CAMSAP2: variants seen among roughly 807,000 people sequenced by gnomAD.
The protein encoded by CAMSAP2 is calmodulin regulated spectrin associated protein family member 2.
In CAMSAP2, 26 loss-of-function variants were observed where a neutral mutation model predicts 146.1. That is an observed-to-expected ratio of 0.18 (90% CI 0.13 to 0.25). CAMSAP2 has a LOEUF of 0.25. Among genes scored for constraint, CAMSAP2 ranks in the 10% least tolerant of loss-of-function variants. The probability of loss-of-function intolerance (pLI) is 1.00; values close to 1 mark genes in which losing one functional copy is unlikely to be tolerated. For synonymous variants in CAMSAP2, 499 were observed against 596.6 expected, an observed-to-expected ratio of 0.84 and a Z score of 2.38; for missense variants, 1,381 against 1,759.3, an observed-to-expected ratio of 0.78 and a Z score of 3.85.
intron 2 of CAMSAP2, among the ~76,000 whole-genome samples, chr1:200,762,793 G>A (rs1664836887): frequency 6.6e-6 from 1 of 152,110 alleles, no homozygotes; most frequent in Non-Finnish European, 1.5e-5. Flanking sequence ...GAGGGGTTTG[G>A]TAGACTGCTG....
chr1:200,762,902 A>G (rs1314543301), intron 2 of CAMSAP2, among the ~76,000 whole-genome samples: 2 of 151,826 alleles, frequency 1.3e-5, no homozygotes, highest in African/African-American at 2.4e-5. Flanking sequence ...ATGACTTAGA[A>G]TCTTTTTTTT....
At chr1:200,856,415 G>T (rs1667753910) in intron 15 of CAMSAP2, among the ~76,000 whole-genome samples, 1 of 152,196 alleles carries the variant, frequency 6.6e-6, no homozygotes, top group South Asian at 2.1e-4. Context: ...GTAAAGGCTA[G>T]AATCCACCAA....
chr1:200,739,837 G>A lies in CAMSAP2; in HGVS notation c.10G>A (p.Ala4Thr). The A allele has an allele frequency of 1.9e-6, 3 of 1,613,590 alleles. No individual in the cohort carries two copies. The highest frequency in any genetic ancestry group is 2.5e-6 in the Non-Finnish European group (3 of 1,179,664). Residue 4 changes from alanine to threonine, a missense_variant, in exon 1 of 17, where the codon GCT becomes ACT. By Grantham distance (58) the Ala-to-Thr change is moderately conservative. This residue lies in a region of CAMSAP2 where 284 missense variants were observed against 406.9 expected (regional missense o/e 0.70). Coordinates refer to ENST00000358823, the MANE Select transcript of CAMSAP2 (RefSeq NM_203459.4). The surrounding 1 kb of genome is among the most constrained non-coding windows in gnomAD (Gnocchi z 4.8). MGDAADPREMRKTF... is the reference protein window; with the variant it reads MGDTADPREMRKTF... ...GGAGCCGCGGTGAAAGATGGGGGATGCTGCAGACCCCAGGGAGATGAGAAA... is the reference window on the plus strand; with the variant it reads ...GGAGCCGCGGTGAAAGATGGGGGATACTGCAGACCCCAGGGAGATGAGAAA...
At chr1:200,809,723 C>T (rs781415777) in intron 3 of CAMSAP2, among the ~76,000 whole-genome samples, 5 of 152,104 alleles carry the variant, frequency 3.3e-5, no homozygotes, top group South Asian at 4.2e-4. Flanking sequence ...AGAGCGAGAT[C>T]CTCTCAAAAT....
intron 3 of CAMSAP2, among the ~76,000 whole-genome samples, chr1:200,813,463 G>A (rs1666390216): frequency 2.0e-5 from 3 of 152,318 alleles, no homozygotes; most frequent in South Asian, 2.1e-4. Flanking sequence ...TGTATTTATA[G>A]CATTTACAAA....
chr1:200,768,603 A>G (rs747410204), intron 2 of CAMSAP2, among the ~76,000 whole-genome samples: 18 of 152,110 alleles, frequency 1.2e-4, no homozygotes, highest in African/African-American at 1.7e-4. Flanking sequence ...GGCCTGAACT[A>G]AGGTGCAGGC....
chr1:200,788,072 A>G (rs66893025), intron 2 of CAMSAP2, among the ~76,000 whole-genome samples: 19,296 of 152,200 alleles, frequency 0.13, 1,251 homozygotes, highest in East Asian at 0.17. Flanking sequence ...CTTTATTGCA[A>G]TGGAATGGAA....
intron 1 of CAMSAP2, among the ~76,000 whole-genome samples, chr1:200,750,073 T>A (rs1454290323): frequency 6.6e-6 from 1 of 152,016 alleles, no homozygotes; most frequent in African/African-American, 2.4e-5. Flanking sequence ...CAAATTTGCT[T>A]ATGGGAAATA....
intron 6 of CAMSAP2, among the ~76,000 whole-genome samples, chr1:200,833,094 A>G (rs541883540): frequency 2.7e-4 from 41 of 152,216 alleles, no homozygotes; most frequent in African/African-American, 9.1e-4. Context: ...AAAAATAAAA[A>G]ATAAACCATA....
At position 200,776,979 on chromosome 1, in the gene CAMSAP2, C is replaced by T. The variant is rs573692104; in HGVS notation, c.399+15881C>T. The stretch of plus-strand genomic sequence containing the variant: ...CCTCAAGGCCCCTTATGTGGAAAAT[C>T]TTCAAAGGAGAGAGAAGGACAAAAC... On this transcript the variant is annotated intron_variant, in intron 2 of 16. Transcript: ENST00000358823. Among the ~76,000 whole-genome samples the T allele has an allele frequency of 9.2e-5, 14 of 152,180 alleles. 1 individual carries two copies. The South Asian group carries it at 2.9e-3, about 32-fold the overall frequency.
intron 1 of CAMSAP2, among the ~76,000 whole-genome samples, chr1:200,747,947 A>G (rs1460459768): frequency 6.8e-6 from 1 of 148,042 alleles, no homozygotes; most frequent in African/African-American, 2.5e-5. Context: ...AGATCCTGCC[A>G]CTGCACTCCA....
chr1:200,778,993 G>A (rs181085371), intron 2 of CAMSAP2, among the ~76,000 whole-genome samples: 1 of 152,216 alleles, frequency 6.6e-6, no homozygotes, highest in African/African-American at 2.4e-5. Context: ...AACAAATCGT[G>A]GAAGGAATTT....
chr1:200,829,139 G>C (rs572168243), intron 4 of CAMSAP2, among the ~76,000 whole-genome samples: 14 of 152,246 alleles, frequency 9.2e-5, no homozygotes, highest in Admixed American at 5.2e-4. Context: ...TGGGCAACAA[G>C]AGTGAAACCG....
At chr1:200,817,208 ACATACACACATAT>A (rs1355911375) in intron 4 of CAMSAP2, among the ~76,000 whole-genome samples, 2 of 97,842 alleles carry the variant, frequency 2.0e-5, no homozygotes, top group African/African-American at 8.7e-5. Flanking sequence ...GTGTATACAC[ACATACACACATAT>A]GTGTGTGTAT....
chr1:200,762,042 G>A (rs1482238743), intron 2 of CAMSAP2, among the ~76,000 whole-genome samples: 3 of 152,216 alleles, frequency 2.0e-5, no homozygotes, highest in African/African-American at 7.2e-5. Flanking sequence ...TTCCATACTC[G>A]ATTAAATCAA....
At chr1:200,750,959 G>A (rs1210010079) in intron 1 of CAMSAP2, among the ~76,000 whole-genome samples, 3 of 137,524 alleles carry the variant, frequency 2.2e-5, no homozygotes, top group African/African-American at 8.3e-5. Flanking sequence ...CTGGAATGCA[G>A]TGGCACGATC....
chr1:200,836,574 G>T (rs768255207), intron 6 of CAMSAP2, among the ~76,000 whole-genome samples: 1 of 152,082 alleles, frequency 6.6e-6, no homozygotes, highest in Non-Finnish European at 1.5e-5. Context: ...TGTCTTTTTG[G>T]TGGAATGATT....
At chr1:200,852,978 TTAAAA>T (rs1343285609) in intron 12 of CAMSAP2, among the ~76,000 whole-genome samples, 1 of 146,604 alleles carries the variant, frequency 6.8e-6, no homozygotes, top group African/African-American at 2.5e-5. Flanking sequence ...TTAAAAAACA[TTAAAA>T]TAACTTTCCT....
chr1:200,852,821 T>C (rs1224733050), intron 12 of CAMSAP2, 144 bp downstream of exon 12: 7 of 809,424 alleles, frequency 8.6e-6, no homozygotes, highest in Admixed American at 7.2e-5. Flanking sequence ...GTAGTATAGA[T>C]AGACAGCTGG....
Sources: gnomAD v4.1 joint callset for allele counts (sites outside exome capture counted in the v4.1 genomes callset) on GRCh38, gnomAD v4.1.1 for gene constraint, gnomAD v4.1.1 regional missense constraint, Gnocchi (gnomAD v3.1) non-coding constraint, MANE v1.5 for transcripts, NCBI Gene and HGNC (gene_info 2026-07-23, HGNC 2026-07-21) for gene names.